Variants in CSMD1 observed in about 807,000 individuals in gnomAD.
CSMD1 encodes the protein CUB and sushi domain-containing protein 1.
CSMD1 carries 213 observed loss-of-function variants against 417.5 expected under a neutral mutation model. That is an observed-to-expected ratio of 0.51 (90% confidence interval 0.46 to 0.57). CSMD1 has a LOEUF of 0.57. Ranked by LOEUF, CSMD1 falls within the 20% of genes least tolerant of loss-of-function variation. The pLI, the probability that CSMD1 is intolerant of heterozygous loss-of-function variation, is 0.00. For synonymous variants in CSMD1, 2,862 were observed against 1,736.8 expected, an observed-to-expected ratio of 1.65 and a Z score of -16.11; for missense variants, 6,923 against 4,529.7, an observed-to-expected ratio of 1.53 and a Z score of -15.17.
chr8:4,793,481 C>G (rs1420496986), intron 1 of CSMD1, among the ~76,000 whole-genome samples: 2 of 152,036 alleles, frequency 1.3e-5, no homozygotes, highest in African/African-American at 4.8e-5. Context: ...TCCCCACCAT[C>G]TCCCACGCCA....
intron 1 of CSMD1, among the ~76,000 whole-genome samples, chr8:4,943,643 G>A (rs539119088): frequency 2.8e-4 from 42 of 152,112 alleles, no homozygotes; most frequent in Admixed American, 1.0e-3. Context: ...TTTATACTAT[G>A]TTGTCCAAGT....
chr8:3,330,465 G>C (rs750686406), intron 23 of CSMD1, among the ~76,000 whole-genome samples: 1 of 152,186 alleles, frequency 6.6e-6, no homozygotes, highest in Admixed American at 6.5e-5. Context: ...TGGAGCTGGA[G>C]GGTATTATCG....
At chr8:3,707,686 G>T (rs767275391) in intron 7 of CSMD1, among the ~76,000 whole-genome samples, 3 of 151,746 alleles carry the variant, frequency 2.0e-5, no homozygotes, top group South Asian at 4.2e-4. Context: ...GAGAAAGAAG[G>T]GTCTGCATAG....
At chr8:3,382,507 T>TTATATATACATAAATTTATATAAA (rs1554532544) in intron 18 of CSMD1, among the ~76,000 whole-genome samples, 1 of 131,610 alleles carries the variant, frequency 7.6e-6, no homozygotes, top group Non-Finnish European at 1.6e-5. Flanking sequence ...GTATATAAAT[T>TTATATATACATAAATTTATATAAA]TATATATATA....
intron 5 of CSMD1, among the ~76,000 whole-genome samples, chr8:3,884,191 T>G (rs939255967): frequency 1.1e-4 from 17 of 152,348 alleles, no homozygotes; most frequent in African/African-American, 3.8e-4. Context: ...AATTCACTTT[T>G]TAAATAGGTA....
intron 3 of CSMD1, among the ~76,000 whole-genome samples, chr8:4,033,033 T>A (rs966374605): frequency 1.3e-5 from 2 of 151,202 alleles, no homozygotes; most frequent in African/African-American, 2.4e-5. Context: ...GATAAAAACA[T>A]TGGTCTCTTC....
intron 6 of CSMD1, among the ~76,000 whole-genome samples, chr8:3,712,248 G>A (rs573626265): frequency 1.3e-3 from 192 of 152,268 alleles, no homozygotes; most frequent in South Asian, 1.9e-3. Context: ...TCCACCCGGT[G>A]TCTGGACACT....
intron 1 of CSMD1, among the ~76,000 whole-genome samples, chr8:4,986,617 G>C (rs889780601): frequency 4.6e-5 from 7 of 151,706 alleles, no homozygotes; most frequent in Non-Finnish European, 7.4e-5. Context: ...TAATTCACTC[G>C]AACAGTATTT....
intron 3 of CSMD1, among the ~76,000 whole-genome samples, chr8:4,381,239 G>C (rs1359048470): frequency 2.0e-5 from 3 of 152,110 alleles, no homozygotes; most frequent in Non-Finnish European, 2.9e-5. Flanking sequence ...GTGAGATTAG[G>C]GGAGCATCTG....
chr8:4,796,676 A>G (rs889920901), intron 1 of CSMD1, among the ~76,000 whole-genome samples: 1 of 152,176 alleles, frequency 6.6e-6, no homozygotes, highest in African/African-American at 2.4e-5. Flanking sequence ...AACCAACTCA[A>G]CGTGGTGGAC....
At chr8:3,956,205 T>C (rs970394599) in intron 5 of CSMD1, among the ~76,000 whole-genome samples, 1 of 152,206 alleles carries the variant, frequency 6.6e-6, no homozygotes, top group Non-Finnish European at 1.5e-5. Flanking sequence ...TAACTAAATG[T>C]AGATAGCATA....
chr8:3,796,606 G>C (rs977393174), intron 5 of CSMD1, among the ~76,000 whole-genome samples: 4 of 146,340 alleles, frequency 2.7e-5, no homozygotes, highest in Non-Finnish European at 4.5e-5. Context: ...TATCTATAAT[G>C]TATAGATGTA....
chr8:4,742,897 C>A (rs1445292310), intron 1 of CSMD1, among the ~76,000 whole-genome samples: 1 of 151,778 alleles, frequency 6.6e-6, no homozygotes, highest in African/African-American at 2.4e-5. Context: ...TCTATCAGAA[C>A]GGTTAAAAAA....
intron 5 of CSMD1, among the ~76,000 whole-genome samples, chr8:3,757,455 T>A (rs1218702603): frequency 3.3e-5 from 5 of 152,182 alleles, no homozygotes; most frequent in Non-Finnish European, 7.3e-5. Context: ...ATAGTTACTT[T>A]TTGATTGTAT....
chr8:3,115,421 C>G (rs977142683), intron 42 of CSMD1, among the ~76,000 whole-genome samples: 5 of 152,158 alleles, frequency 3.3e-5, no homozygotes, highest in African/African-American at 4.8e-5. Context: ...AGGCTTGTCT[C>G]AAACTCCTGA....
intron 11 of CSMD1, among the ~76,000 whole-genome samples, chr8:3,490,771 A>G (rs1182015484): frequency 1.3e-5 from 2 of 152,206 alleles, no homozygotes; most frequent in Non-Finnish European, 1.5e-5. Context: ...GTCCCAGGTC[A>G]AAGGCAGGCA....
At chr8:3,797,883 C>A (rs1437789415) in intron 5 of CSMD1, among the ~76,000 whole-genome samples, 1 of 152,000 alleles carries the variant, frequency 6.6e-6, no homozygotes, top group Non-Finnish European at 1.5e-5. Context: ...AGTAAGTGAG[C>A]ATGCAAGTTG....
intron 1 of CSMD1, among the ~76,000 whole-genome samples, chr8:4,738,223 C>G (rs772042985): frequency 6.6e-6 from 1 of 152,168 alleles, no homozygotes; most frequent in African/African-American, 2.4e-5. Flanking sequence ...AATGTCCCTA[C>G]AGTCAAATAT....
At position 3,415,450 on chromosome 8, in the gene CSMD1, C is replaced by G. The variant is rs149744903; in HGVS notation, c.1562-5845G>C. 2.6e-5 allele frequency among the ~76,000 whole-genome samples: 4 copies of G among 152,162 alleles called. No individual in the cohort carries two copies. The South Asian group carries it at 6.2e-4, about 24-fold the overall frequency. Reference sequence around the variant, plus strand: ...TCAGCTCACTGTAACCTCTACCTCCCGGATTCAAGAGATTCTCTTGGCTCA... The same window carrying G: ...TCAGCTCACTGTAACCTCTACCTCCGGGATTCAAGAGATTCTCTTGGCTCA... On this transcript the variant is annotated intron_variant, in intron 12 of 69. Transcript: ENST00000635120.
Sources: gnomAD v4.1 joint callset for allele counts (sites outside exome capture counted in the v4.1 genomes callset) on GRCh38, gnomAD v4.1.1 for gene constraint, MANE v1.5 for transcripts, NCBI Gene and HGNC (gene_info 2026-07-23, HGNC 2026-07-21) for gene names.